Variants in GRIN2A observed in about 807,000 individuals in gnomAD.
GRIN2A encodes the protein glutamate receptor ionotropic, NMDA 2A.
In GRIN2A, 22 loss-of-function variants were observed where a neutral mutation model predicts 113.4. The observed-to-expected ratio is 0.19, with a 90% confidence interval of 0.14 to 0.28. GRIN2A has a LOEUF of 0.28. Ranked by LOEUF, GRIN2A falls within the 10% of genes least tolerant of loss-of-function variation. GRIN2A has a pLI of 1.00. For missense variants in GRIN2A, 1,502 were observed against 1,887.0 expected (o/e 0.80, Z 3.78); for synonymous variants, 827 against 738.4 (o/e 1.12, Z -1.94).
At chr16:9,882,420 C>T (rs2043499087) in intron 4 of GRIN2A, among the ~76,000 whole-genome samples, 1 of 152,134 alleles carries the variant, frequency 6.6e-6, no homozygotes, top group African/African-American at 2.4e-5. Flanking sequence ...CTTTATTTCA[C>T]ACAAGACATA....
At chr16:9,818,168 C>T (rs571739887) in intron 10 of GRIN2A, among the ~76,000 whole-genome samples, 3 of 151,496 alleles carry the variant, frequency 2.0e-5, no homozygotes, top group East Asian at 1.9e-4. Flanking sequence ...AGTGTGGTGA[C>T]GTGGACACCT....
At chr16:9,907,888 C>T (rs9935592) in intron 3 of GRIN2A, among the ~76,000 whole-genome samples, 4,132 of 152,198 alleles carry the variant, frequency 0.027, 193 homozygotes, top group African/African-American at 0.094. Context: ...GGTAAGCTCC[C>T]GGGAAACAGG....
intron 11 of GRIN2A, among the ~76,000 whole-genome samples, chr16:9,770,850 A>G (rs935025315): frequency 1.3e-5 from 2 of 152,168 alleles, no homozygotes; most frequent in Non-Finnish European, 2.9e-5. Flanking sequence ...GAGTTCCCAT[A>G]TACTACCTCT....
chr16:9,873,064 G>T (rs1350532022), intron 4 of GRIN2A, among the ~76,000 whole-genome samples: 1 of 151,878 alleles, frequency 6.6e-6, no homozygotes, highest in Non-Finnish European at 1.5e-5. Flanking sequence ...AAAAAAGAAA[G>T]AATGAAAGAA....
chr16:9,959,179 G>C (rs1340945949), intron 2 of GRIN2A, among the ~76,000 whole-genome samples: 6 of 152,110 alleles, frequency 3.9e-5, no homozygotes, highest in Non-Finnish European at 7.4e-5. Context: ...AGAGAAATAG[G>C]CTGGATTTGC....
chr16:9,798,757 T>C (rs146080185), intron 10 of GRIN2A, among the ~76,000 whole-genome samples: 2 of 152,308 alleles, frequency 1.3e-5, no homozygotes, highest in East Asian at 3.9e-4. Flanking sequence ...TCCTTAACAC[T>C]CCCAGTGGTG....
At chr16:10,118,062 T>C (rs1000516039) in intron 2 of GRIN2A, among the ~76,000 whole-genome samples, 1 of 152,100 alleles carries the variant, frequency 6.6e-6, no homozygotes, top group African/African-American at 2.4e-5. Flanking sequence ...CCCTCTTCCT[T>C]CTGAGGTGGC....
At chr16:9,824,929 C>T (rs1413561851) in intron 9 of GRIN2A, among the ~76,000 whole-genome samples, 19 of 152,044 alleles carry the variant, frequency 1.2e-4, no homozygotes, top group Admixed American at 1.0e-3. Flanking sequence ...GGACACACTC[C>T]GTGCTTGCTG....
chr16:10,075,493 C>A (rs891473435), intron 2 of GRIN2A, among the ~76,000 whole-genome samples: 1 of 151,942 alleles, frequency 6.6e-6, no homozygotes, highest in African/African-American at 2.4e-5. Flanking sequence ...CGATTTGGAA[C>A]GATGGAAAAG....
chr16:9,863,038 C>G (rs2043097610), intron 4 of GRIN2A, among the ~76,000 whole-genome samples: 1 of 152,088 alleles, frequency 6.6e-6, no homozygotes, highest in South Asian at 2.1e-4. Context: ...TGTTGGCAAA[C>G]AGGGAATTTA....
At chr16:9,998,319 C>T (rs1180336390) in intron 2 of GRIN2A, among the ~76,000 whole-genome samples, 1 of 152,130 alleles carries the variant, frequency 6.6e-6, no homozygotes, top group Non-Finnish European at 1.5e-5. Flanking sequence ...TGATTCCATT[C>T]ACATAAAATG....
intron 2 of GRIN2A, among the ~76,000 whole-genome samples, chr16:10,104,360 G>C (rs4780812): frequency 0.43 from 65,408 of 152,084 alleles, 15,318 homozygotes; most frequent in Admixed American, 0.57. Context: ...GTGGCAGCAA[G>C]AAGTTGAGCC....
intron 11 of GRIN2A, among the ~76,000 whole-genome samples, chr16:9,785,758 A>G (rs932600416): frequency 1.3e-5 from 2 of 152,218 alleles, no homozygotes; most frequent in African/African-American, 4.8e-5. Context: ...AGAATCACCC[A>G]GAAAGGATGT....
At chr16:10,043,910 T>C in intron 2 of GRIN2A, among the ~76,000 whole-genome samples, 1 of 151,684 alleles carries the variant, frequency 6.6e-6, no homozygotes, top group Middle Eastern at 3.4e-3. Context: ...CACACATATA[T>C]ATACACGTAT....
At chr16:10,064,507 C>G (rs1403081077) in intron 2 of GRIN2A, among the ~76,000 whole-genome samples, 1 of 152,210 alleles carries the variant, frequency 6.6e-6, no homozygotes, top group East Asian at 1.9e-4. Flanking sequence ...TCCATCAAAC[C>G]TATGCTTGTT....
chr16:9,863,042 G>A (rs1356258512), intron 4 of GRIN2A, among the ~76,000 whole-genome samples: 1 of 152,152 alleles, frequency 6.6e-6, no homozygotes, highest in Non-Finnish European at 1.5e-5. Flanking sequence ...GGCAAACAGG[G>A]AATTTAAGTG....
chr16:9,793,333 G>C (rs1171975605), intron 11 of GRIN2A, among the ~76,000 whole-genome samples: 4 of 152,212 alleles, frequency 2.6e-5, no homozygotes, highest in Non-Finnish European at 2.9e-5. Context: ...CTGGCCCCCA[G>C]ATATGAGAAG....
intron 3 of GRIN2A, among the ~76,000 whole-genome samples, chr16:9,930,569 T>C (rs1450142069): frequency 6.6e-6 from 1 of 152,220 alleles, no homozygotes; most frequent in East Asian, 1.9e-4. Flanking sequence ...ACAGGACAGC[T>C]TGGCCTCTGA....
chr16:9,943,560 G>A (rs888515419), intron 2 of GRIN2A, among the ~76,000 whole-genome samples: 6 of 152,114 alleles, frequency 3.9e-5, no homozygotes, highest in South Asian at 4.2e-4. Context: ...ATTCATAAAG[G>A]TTACAAAGCC....
Sources: gnomAD v4.1 joint callset for allele counts (sites outside exome capture counted in the v4.1 genomes callset) on GRCh38, gnomAD v4.1.1 for gene constraint, MANE v1.5 for transcripts, NCBI Gene and HGNC (gene_info 2026-07-23, HGNC 2026-07-21) for gene names.